KDM5B: variants seen among roughly 807,000 people sequenced by gnomAD.
KDM5B encodes lysine demethylase 5B.
A neutral mutation model predicts 193.4 loss-of-function variants in KDM5B; 144 were observed. That is an observed-to-expected ratio of 0.74 (90% CI 0.65 to 0.86). KDM5B has a LOEUF of 0.86. Ranked by LOEUF, KDM5B falls within the 40% of genes least tolerant of loss-of-function variation. The pLI, the probability that KDM5B is intolerant of heterozygous loss-of-function variation, is 0.00. For missense variants in KDM5B, 1,833 were observed against 1,886.9 expected (o/e 0.97, Z 0.53); for synonymous variants, 668 against 682.6 (o/e 0.98, Z 0.33).
rs757196461 is a variant in KDM5B at position 202,745,928 on chromosome 1, T to G, written c.2253A>C (p.Arg751=). 1 of 1,613,950 alleles carries G rather than the reference T, an allele frequency of 6.2e-7. No individual in the cohort carries two copies. Residue 751 remains arginine, a synonymous_variant, in exon 16 of 27, where the codon CGA becomes CGC. Transcript: ENST00000367265. ...AGGCCCATTCGTTGTAAGATTCTGC[T>G]CGAAGCTTCAATGCATTCATCATAG... The part of the protein sequence containing the change: ...LYPMMNALKL[R]AESYNEWALN...
rs371888738 is a variant in KDM5B at position 202,741,693 on chromosome 1, T to C, written c.2619A>G (p.Gln873=). Residue 873 remains glutamine, a synonymous_variant, in exon 19 of 27, where the codon CAA becomes CAG. Coordinates refer to ENST00000367265, the MANE Select transcript of KDM5B (RefSeq NM_006618.5). ...CAGAGAGTAGTTTCTGACTATGCTGTTGAAAATCTTCTACACGATTCAAGA... is the reference window on the plus strand; with the variant it reads ...CAGAGAGTAGTTTCTGACTATGCTGCTGAAAATCTTCTACACGATTCAAGA... The part of the protein sequence containing the change: ...KDLLNRVEDF[Q]QHSQKLLSEE... 4.0e-5 allele frequency: 65 copies of C among 1,611,954 alleles called. No homozygotes were observed. Among genetic ancestry groups the C allele is most frequent in the Non-Finnish European group, 5.2e-5 (61 of 1,179,122 alleles).
chr1:202,770,643 T>C lies in KDM5B; in HGVS notation c.576+2475A>G, dbSNP rs528395967. On this transcript the variant is annotated intron_variant, in intron 4 of 26. Transcript: ENST00000367265. The stretch of plus-strand genomic sequence containing the variant: ...GCCGCAGTCATTAGAAATTGCATTT[T>C]CAAAAACTATTCAATGATACAGCAA... Among the ~76,000 whole-genome samples, 4 of 152,284 alleles carry C rather than the reference T, an allele frequency of 2.6e-5. No homozygotes were observed. The South Asian group carries it at 8.3e-4, about 32-fold the overall frequency.
chr1:202,797,551 G>A (rs781051811), intron 1 of KDM5B, among the ~76,000 whole-genome samples: 57 of 152,162 alleles, frequency 3.7e-4, no homozygotes, highest in Non-Finnish European at 6.0e-4. Flanking sequence ...AAAGATCTAG[G>A]TAAACATTTT....
intron 1 of KDM5B, among the ~76,000 whole-genome samples, chr1:202,778,288 A>AAT (rs200300790): frequency 1.6e-4 from 24 of 151,992 alleles, no homozygotes; most frequent in East Asian, 3.9e-4. Context: ...CAGACAATTA[A>AAT]ATATATATAT....
At chr1:202,788,979 C>T (rs541842221) in intron 1 of KDM5B, among the ~76,000 whole-genome samples, 88 of 152,200 alleles carry the variant, frequency 5.8e-4, no homozygotes, top group Non-Finnish European at 1.1e-3. Flanking sequence ...ACTCTGACCC[C>T]AACCTTGCCT....
At chr1:202,739,666 G>A (rs574684289) in intron 20 of KDM5B, among the ~76,000 whole-genome samples, 3 of 152,032 alleles carry the variant, frequency 2.0e-5, no homozygotes, top group South Asian at 4.2e-4. Context: ...ATTAGGGAGT[G>A]GTGATGATTC....
At chr1:202,736,693 A>G (rs1304375648) in intron 20 of KDM5B, among the ~76,000 whole-genome samples, 4 of 151,840 alleles carry the variant, frequency 2.6e-5, no homozygotes, top group African/African-American at 9.7e-5. Context: ...CTGGGCTGCA[A>G]TGCAGTGGTG....
chr1:202,736,575 T>C (rs1329032275), intron 20 of KDM5B, among the ~76,000 whole-genome samples, 183 bp from the exon 21 acceptor site: 2 of 152,150 alleles, frequency 1.3e-5, no homozygotes, highest in Non-Finnish European at 2.9e-5. Context: ...GAAGTGACAT[T>C]TGTTCCTTCA....
chr1:202,800,236 G>T (rs1186782715), intron 1 of KDM5B, among the ~76,000 whole-genome samples: 9 of 152,086 alleles, frequency 5.9e-5, no homozygotes, highest in Admixed American at 5.9e-4. Context: ...TAGAGACAGG[G>T]TTTCACCATG....
intron 5 of KDM5B, among the ~76,000 whole-genome samples, chr1:202,765,520 T>G (rs1310011694): frequency 3.9e-5 from 6 of 152,228 alleles, no homozygotes; most frequent in Non-Finnish European, 8.8e-5. Flanking sequence ...TCCACAGCAC[T>G]GGGGCATTTC....
chr1:202,798,018 C>T (rs1180169257), intron 1 of KDM5B, among the ~76,000 whole-genome samples: 2 of 152,168 alleles, frequency 1.3e-5, no homozygotes, highest in African/African-American at 4.8e-5. Flanking sequence ...TGGTGAACCC[C>T]GTCTCTATTA....
rs144222509 is a variant in KDM5B at position 202,742,649 on chromosome 1, G to A, written c.2474+6C>T. ...AATCCAAACTCACGCAGTCAGAAGC[G>A]CATACCTAGTTTGCCTTTTGCCATT... On this transcript the variant is annotated splice_donor_region_variant and intron_variant, in intron 17 of 26. Transcript: ENST00000367265. The A allele has an allele frequency of 1.9e-5, 30 of 1,613,576 alleles. No individual in the cohort carries two copies. The highest frequency in any genetic ancestry group is 7.7e-5 in the South Asian group (7 of 91,024).
intron 4 of KDM5B, among the ~76,000 whole-genome samples, chr1:202,770,417 CTTTACTGTACACCTCTG>C (rs1558503699): frequency 2.6e-5 from 4 of 152,220 alleles, no homozygotes; most frequent in Non-Finnish European, 4.4e-5. Context: ...GCAATAATTC[CTTTACTGTACACCTCTG>C]TTTTTCTTAA....
Position 202,760,559 on chromosome 1 carries a change from G to A in KDM5B, c.933C>T (p.Val311=). Residue 311 remains valine, a synonymous_variant, in exon 8 of 27, where the codon GTC becomes GTT. Coordinates refer to ENST00000367265, the MANE Select transcript of KDM5B (RefSeq NM_006618.5). ...CATTGCCACTGCCACATAAAAGACAGACATACAGGTCCACCTGTAGCAATA... is the reference window on the plus strand; with the variant it reads ...CATTGCCACTGCCACATAAAAGACAAACATACAGGTCCACCTGTAGCAATA... ...KKATNAVDLY[V]CLLCGSGNDE... The A allele has an allele frequency of 1.2e-6, 2 of 1,611,096 alleles. No homozygotes were observed. Among genetic ancestry groups the A allele is most frequent in the Non-Finnish European group, 1.7e-6 (2 of 1,178,532 alleles).
chr1:202,797,928 T>C (rs982543626), intron 1 of KDM5B, among the ~76,000 whole-genome samples: 7 of 152,248 alleles, frequency 4.6e-5, no homozygotes, highest in African/African-American at 9.6e-5. Context: ...TAGTGGCTTG[T>C]GCCTGTAATC....
intron 3 of KDM5B, among the ~76,000 whole-genome samples, chr1:202,774,371 A>C (rs1234757584): frequency 6.6e-6 from 1 of 152,008 alleles, no homozygotes; most frequent in Admixed American, 6.5e-5. Context: ...TAGCCACCCA[A>C]ATAGCTGGTA....
In KDM5B at chr1:202,733,452, C is replaced by T. The variant is rs777235401; in HGVS notation, c.3858G>A (p.Leu1286=). 4 of 1,614,178 alleles carry T rather than the reference C, an allele frequency of 2.5e-6. No individual in the cohort carries two copies. Among genetic ancestry groups the T allele is most frequent in the South Asian group, 2.2e-5 (2 of 91,088 alleles). The change falls in exon 23 of 27, where the codon CTG becomes CTA. Residue 1286 remains leucine, a synonymous_variant. Transcript: ENST00000367265. ...CTGAGGCTTGCCATCTGCTATATAACAGTCCTGAGCCCACTCGATCTTGCA... is the reference window on the plus strand; with the variant it reads ...CTGAGGCTTGCCATCTGCTATATAATAGTCCTGAGCCCACTCGATCTTGCA... ...KFVQDRVGSG[L]LYSRWQASAG... is the part of the protein sequence containing the mutation.
At chr1:202,774,493 G>T in intron 3 of KDM5B, 120 bp downstream of exon 3, 1 of 834,840 alleles carries the variant, frequency 1.2e-6, no homozygotes, top group Non-Finnish European at 1.9e-6. Context: ...CTCCCAAAGT[G>T]CTGAGATTAC....
chr1:202,724,951 C>T lies in KDM5B; in HGVS notation c.*4085G>A, dbSNP rs1387865869. ...AATAACTTTTGTTTCCTCAGAAAGG[C>T]AACTTTTTAATTTCTCAATTTTCCC... On this transcript the variant is annotated 3_prime_UTR_variant, in exon 27 of 27. Coordinates refer to ENST00000367265, the MANE Select transcript of KDM5B (RefSeq NM_006618.5). 3 of 152,174 alleles carry T rather than the reference C, an allele frequency of 2.0e-5. No homozygotes were observed. The highest frequency in any genetic ancestry group is 7.2e-5 in the African/African-American group (3 of 41,422). 9.4% of individuals were successfully genotyped at this position (152,174 alleles called of 1,614,324 possible). A position where few individuals can be genotyped will look rare whatever the true frequency, so the allele number is the denominator to read the frequency against.
Sources: allele counts gnomAD v4.1 joint callset (sites outside exome capture counted in the v4.1 genomes callset), GRCh38; gene constraint gnomAD v4.1.1; transcripts MANE v1.5; gene names NCBI Gene and HGNC (gene_info 2026-07-23, HGNC 2026-07-21).